Variants in COG7 observed in about 807,000 individuals in gnomAD.
The protein encoded by COG7 is conserved oligomeric Golgi complex subunit 7.
Under a neutral mutation model 91.5 loss-of-function variants are expected in COG7, and 49 were observed. The observed-to-expected ratio is 0.54, with a 90% CI of 0.43 to 0.68. The LOEUF is 0.68. COG7 is among the 30% of genes least tolerant of loss of function. The pLI is 0.00. For missense variants in COG7, 895 were observed against 961.3 expected, an observed-to-expected ratio of 0.93 and a Z score of 0.91; for synonymous variants, 365 against 388.7, an observed-to-expected ratio of 0.94 and a Z score of 0.72.
chr16:23,403,501 A>G (rs1459979107), intron 13 of COG7, among the ~76,000 whole-genome samples, 193 bp downstream of exon 13: 2 of 152,254 alleles, frequency 1.3e-5, no homozygotes, highest in Non-Finnish European at 2.9e-5. Flanking sequence ...AAAGTATCAG[A>G]GTAACTACAA....
intron 6 of COG7, among the ~76,000 whole-genome samples, chr16:23,430,732 G>T (rs1441181463): frequency 6.6e-6 from 1 of 151,620 alleles, no homozygotes; most frequent in Non-Finnish European, 1.5e-5. Flanking sequence ...GTAGAGATGG[G>T]GTTTCACCAT....
At chr16:23,419,408 T>C (rs1963713577) in intron 7 of COG7, among the ~76,000 whole-genome samples, 3 of 112,474 alleles carry the variant, frequency 2.7e-5, no homozygotes, top group African/African-American at 1.2e-4. Context: ...CGAGACTCCA[T>C]CTCAAAAAAA....
At chr16:23,421,274 T>C (rs1018468476) in intron 7 of COG7, among the ~76,000 whole-genome samples, 9 of 151,794 alleles carry the variant, frequency 5.9e-5, no homozygotes, top group Admixed American at 5.9e-4. Context: ...ATTTACAACA[T>C]ATTTGATAAG....
At chr16:23,409,147 T>C (rs1468266888) in intron 11 of COG7, among the ~76,000 whole-genome samples, 1 of 150,882 alleles carries the variant, frequency 6.6e-6, no homozygotes, top group East Asian at 2.0e-4. Flanking sequence ...GCTTATCTTA[T>C]CTCCCCATCA....
chr16:23,447,558 C>G (rs1469991090), intron 1 of COG7, among the ~76,000 whole-genome samples: 1 of 151,682 alleles, frequency 6.6e-6, no homozygotes, highest in Admixed American at 6.6e-5. Flanking sequence ...GCATAGCACT[C>G]TAACCTGGGT....
chr16:23,403,619 G>A (rs1258749302), intron 13 of COG7, 75 bp downstream of exon 13: 1 of 1,579,518 alleles, frequency 6.3e-7, no homozygotes, highest in Non-Finnish European at 8.7e-7. Flanking sequence ...AACAGGGAGG[G>A]TTAAGCCCAC....
intron 6 of COG7, among the ~76,000 whole-genome samples, chr16:23,426,449 G>A (rs1963846858): frequency 6.6e-6 from 1 of 152,096 alleles, no homozygotes; most frequent in Admixed American, 6.6e-5. Context: ...GCACCTGGGA[G>A]GCCAAAACAG....
At chr16:23,406,745 C>T (rs1963469886) in intron 11 of COG7, among the ~76,000 whole-genome samples, 1 of 152,216 alleles carries the variant, frequency 6.6e-6, no homozygotes, top group South Asian at 2.1e-4. Flanking sequence ...ATGGGCCCAC[C>T]TGTCCTACAT....
chr16:23,417,326 T>C lies in COG7; in HGVS notation c.1138-205A>G, dbSNP rs866667397. 15 of 613,136 alleles carry C rather than the reference T, an allele frequency of 2.4e-5. No homozygotes were observed. The Middle Eastern group carries it at 1.3e-3, about 52-fold the overall frequency. 38.0% of individuals were successfully genotyped at this position (613,136 alleles called of 1,614,324 possible). ...CAGTGGGATCATGGAAATTCACTCC[T>C]GGCAGAAAAGCATGATCGAATGTCT... is the stretch of plus-strand genomic sequence containing the variant. On this transcript the variant is annotated intron_variant, in intron 8 of 16. Coordinates refer to ENST00000307149, the MANE Select transcript of COG7 (RefSeq NM_153603.4).
chr16:23,442,626 G>A lies in COG7; in HGVS notation c.455C>T (p.Ala152Val), dbSNP rs1206659909. ...FKTQDIAVIS[A>V]KLTGMQNSLM... ...GCTGTTCTGCATACCTGTTAGCTTGGCAGAAATCACAGCTATGTCCTAGAA... is the reference window on the plus strand; with the variant it reads ...GCTGTTCTGCATACCTGTTAGCTTGACAGAAATCACAGCTATGTCCTAGAA... The change falls in exon 4 of 17, where the codon GCC (alanine) becomes GTC (valine). Residue 152 changes from alanine (A) to valine (V), a missense_variant. Physicochemically the swap from Ala to Val is moderately conservative, Grantham distance 64. Transcript: ENST00000307149. The A allele has an allele frequency of 5.0e-6, 8 of 1,613,856 alleles. No homozygotes were observed. Among genetic ancestry groups the A allele is most frequent in the Non-Finnish European group, 6.8e-6 (8 of 1,179,752 alleles).
intron 3 of COG7, among the ~76,000 whole-genome samples, chr16:23,443,767 G>A (rs1395647924): frequency 6.6e-6 from 1 of 152,056 alleles, no homozygotes; most frequent in East Asian, 1.9e-4. Context: ...TGAGCTTTGT[G>A]AGGAAAAAAA....
intron 8 of COG7, among the ~76,000 whole-genome samples, chr16:23,418,180 C>T (rs1198560849): frequency 1.3e-5 from 2 of 152,234 alleles, no homozygotes; most frequent in African/African-American, 2.4e-5. Context: ...TTAAGCCTCT[C>T]ATTTTGTTTA....
chr16:23,442,914 G>C (rs1260583477), intron 3 of COG7, among the ~76,000 whole-genome samples: 1 of 151,736 alleles, frequency 6.6e-6, no homozygotes, highest in Non-Finnish European at 1.5e-5. Context: ...CGCACCTGTA[G>C]TCCCAGCTAC....
At chr16:23,443,367 A>C (rs1964132585) in intron 3 of COG7, among the ~76,000 whole-genome samples, 1 of 152,134 alleles carries the variant, frequency 6.6e-6, no homozygotes, top group Non-Finnish European at 1.5e-5. Context: ...CCAATATAGC[A>C]AGACCTTGTC....
chr16:23,393,769 C>G (rs1314305084), intron 14 of COG7, among the ~76,000 whole-genome samples: 1 of 152,168 alleles, frequency 6.6e-6, no homozygotes, highest in Non-Finnish European at 1.5e-5. Flanking sequence ...AGGCCAGGCA[C>G]AGTGGCTCAC....
intron 11 of COG7, 56 bp from the exon 12 acceptor site, chr16:23,406,318 T>C (rs1963461530): frequency 1.4e-6 from 2 of 1,456,716 alleles, no homozygotes; most frequent in Non-Finnish European, 1.9e-6. Flanking sequence ...AACTTTCTTC[T>C]TGGAGCAGTC....
intron 3 of COG7, among the ~76,000 whole-genome samples, chr16:23,443,638 G>A (rs1964136501): frequency 6.6e-6 from 1 of 151,998 alleles, no homozygotes; most frequent in South Asian, 2.1e-4. Flanking sequence ...TTTGCAGTGA[G>A]CCGAGATCAT....
chr16:23,389,352 TAC>T, intron 16 of COG7, among the ~76,000 whole-genome samples: 1 of 151,632 alleles, frequency 6.6e-6, no homozygotes, highest in Non-Finnish European at 1.5e-5. Context: ...ACCACACACA[TAC>T]ACACTCACAT....
intron 15 of COG7, 98 bp downstream of exon 15, chr16:23,393,135 G>T: frequency 1.2e-6 from 1 of 831,792 alleles, no homozygotes; most frequent in Non-Finnish European, 2.0e-6. Context: ...AACAGGACTT[G>T]GTGACAAATG....
Sources: gnomAD v4.1 joint callset for allele counts (sites outside exome capture counted in the v4.1 genomes callset) on GRCh38, gnomAD v4.1.1 for gene constraint, MANE v1.5 for transcripts, NCBI Gene and HGNC (gene_info 2026-07-23, HGNC 2026-07-21) for gene names.